Variants in YIPF1 observed in about 807,000 individuals in gnomAD.
YIPF1 encodes the protein Yip1 domain family member 1.
A neutral mutation model predicts 37.0 loss-of-function variants in YIPF1; 22 were observed. The observed-to-expected ratio is 0.59, with a 90% CI of 0.42 to 0.85. The LOEUF is 0.85. Ranked by LOEUF, YIPF1 falls within the 40% of genes least tolerant of loss-of-function variation. The pLI, the probability that YIPF1 is intolerant of heterozygous loss-of-function variation, is 0.00. For synonymous variants in YIPF1, 128 were observed against 131.9 expected, an observed-to-expected ratio of 0.97 and a Z score of 0.21; for missense variants, 355 against 373.1, an observed-to-expected ratio of 0.95 and a Z score of 0.40.
intron 7 of YIPF1, among the ~76,000 whole-genome samples, chr1:53,871,012 CAA>C (rs57949076): frequency 0.013 from 876 of 65,222 alleles, 3 homozygotes; most frequent in African/African-American, 0.044. Context: ...GTCACTGTCT[CAA>C]AAAAAAAAAA....
At chr1:53,871,991 T>G (rs948123216) in intron 6 of YIPF1, among the ~76,000 whole-genome samples, 2 of 147,800 alleles carry the variant, frequency 1.4e-5, no homozygotes, top group Non-Finnish European at 3.0e-5. Flanking sequence ...TTCACCACGG[T>G]TGTGTTGAGT....
intron 10 of YIPF1, among the ~76,000 whole-genome samples, chr1:53,855,886 G>C (rs1055895790): frequency 2.6e-5 from 4 of 152,166 alleles, no homozygotes; most frequent in Non-Finnish European, 5.9e-5. Flanking sequence ...GTTCTCCCTG[G>C]AATGTGTTCT....
At chr1:53,873,372 T>C (rs987736132) in intron 6 of YIPF1, among the ~76,000 whole-genome samples, 2 of 152,088 alleles carry the variant, frequency 1.3e-5, no homozygotes, top group Non-Finnish European at 2.9e-5. Flanking sequence ...GAAGAGGGAA[T>C]AGCAGGAGCA....
At chr1:53,861,796 T>G (rs1199865132) in intron 9 of YIPF1, among the ~76,000 whole-genome samples, 2 of 151,986 alleles carry the variant, frequency 1.3e-5, no homozygotes, top group African/African-American at 2.4e-5. Flanking sequence ...GGTGGATCAT[T>G]TGAGGCCAGG....
At chr1:53,866,098 C>A (rs1650014073) in intron 9 of YIPF1, 102 bp downstream of exon 9, 3 of 1,436,390 alleles carry the variant, frequency 2.1e-6, no homozygotes, top group Admixed American at 4.3e-5. Context: ...ACATGCCCAG[C>A]CCATGGACTC....
chr1:53,881,246 A>AG, intron 4 of YIPF1, among the ~76,000 whole-genome samples: 1 of 118,096 alleles, frequency 8.5e-6, no homozygotes, highest in South Asian at 2.7e-4. Context: ...CTCCATCTCA[A>AG]AAAAAAAAAA....
intron 3 of YIPF1, among the ~76,000 whole-genome samples, chr1:53,887,299 C>G (rs1336899200): frequency 1.3e-5 from 2 of 151,856 alleles, no homozygotes; most frequent in Non-Finnish European, 2.9e-5. Context: ...AGACTGGTCT[C>G]GAACTCCTGA....
At chr1:53,872,754 C>T (rs866519240) in intron 6 of YIPF1, among the ~76,000 whole-genome samples, 3 of 152,016 alleles carry the variant, frequency 2.0e-5, no homozygotes, top group African/African-American at 4.8e-5. Context: ...AGCACTGGCC[C>T]CTGAAGGTGG....
intron 9 of YIPF1, 98 bp downstream of exon 9, chr1:53,866,102 T>C (rs1164964232): frequency 8.9e-6 from 13 of 1,459,292 alleles, no homozygotes; most frequent in African/African-American, 5.7e-5. Context: ...GCCCAGCCCA[T>C]GGACTCAATT....
intron 4 of YIPF1, among the ~76,000 whole-genome samples, chr1:53,882,423 G>A (rs1650524977): frequency 6.6e-6 from 1 of 151,958 alleles, no homozygotes; most frequent in African/African-American, 2.4e-5. Flanking sequence ...CATTCCTGGA[G>A]GTACTCAAGC....
rs897118676 is a variant in YIPF1, at chr1:53,889,732, C to G, written c.-289G>C. 2.0e-5 allele frequency: 3 copies of G among 152,394 alleles called. No homozygotes were observed. Among genetic ancestry groups the G allele is most frequent in the Admixed American group, 6.5e-5 (1 of 15,314 alleles). 9.4% of individuals were successfully genotyped at this position (152,394 alleles called of 1,614,324 possible). A position where few individuals can be genotyped will look rare whatever the true frequency, so the allele number is the denominator to read the frequency against. On this transcript the variant is annotated 5_prime_UTR_variant, in exon 1 of 11. Coordinates refer to ENST00000072644, the MANE Select transcript of YIPF1 (RefSeq NM_018982.5). ...CCTCACCTCGCGGGGTTAGGCGTCC[C>G]CCGGGTCCCGAGAAGGCTCGGGCCT...
At chr1:53,871,012 C>CAAAAAAAAAAAAAAAAAAA in intron 7 of YIPF1, among the ~76,000 whole-genome samples, 1 of 65,268 alleles carries the variant, frequency 1.5e-5, no homozygotes, top group Non-Finnish European at 2.9e-5. Context: ...GTCACTGTCT[C>CAAAAAAAAAAAAAAAAAAA]AAAAAAAAAA....
chr1:53,863,361 G>T (rs1395796228), intron 9 of YIPF1, among the ~76,000 whole-genome samples: 1 of 152,194 alleles, frequency 6.6e-6, no homozygotes, highest in Non-Finnish European at 1.5e-5. Flanking sequence ...TGGGTACTAT[G>T]GAGGAATAAG....
rs1186481750 is a variant in YIPF1, at chr1:53,866,391, A to T, written c.649-9T>A. 1 of 1,612,334 alleles carries T rather than the reference A, an allele frequency of 6.2e-7. No individual in the cohort carries two copies. The highest frequency in any genetic ancestry group is 1.3e-5 in the African/African-American group (1 of 74,884). On this transcript the variant is annotated splice_polypyrimidine_tract_variant and intron_variant, in intron 8 of 10. Coordinates refer to ENST00000072644, the MANE Select transcript of YIPF1 (RefSeq NM_018982.5). ...GGGATAATCCACAGTATCTGAAAGA[A>T]GAGAAAAGGAGGAGCGGGGAGTTCT...
intron 9 of YIPF1, among the ~76,000 whole-genome samples, chr1:53,864,919 C>G (rs534781662): frequency 6.6e-6 from 1 of 152,200 alleles, no homozygotes; most frequent in South Asian, 2.1e-4. Flanking sequence ...AGGAAATATA[C>G]CCATGTCACA....
At chr1:53,860,025 C>A (rs761881714) in intron 10 of YIPF1, 31 bp downstream of exon 10, 19 of 1,608,708 alleles carry the variant, frequency 1.2e-5, no homozygotes, top group Non-Finnish European at 1.6e-5. Context: ...TTTATGGCAC[C>A]ACACAGCAAA....
In YIPF1 at chr1:53,881,244, C is replaced by CAAA. The variant is rs747288925; in HGVS notation, c.195+1866_195+1868dup. 8.8e-3 allele frequency among the ~76,000 whole-genome samples: 851 copies of CAAA among 96,196 alleles called. 17 individuals carry two copies. Among genetic ancestry groups the CAAA allele is most frequent in the African/African-American group, 0.031 (782 of 25,250 alleles). 63.1% of individuals were successfully genotyped at this position (96,196 alleles called of 152,430 possible). A position where few individuals can be genotyped will look rare whatever the true frequency, so the allele number is the denominator to read the frequency against. On this transcript the variant is annotated intron_variant, in intron 4 of 10. Transcript: ENST00000072644. The stretch of plus-strand genomic sequence containing the variant: ...TAGGCGACAAAGCAAGACTCCATCT[C>CAAA]AAAAAAAAAAAAAAAAAGAAAAAGA...
chr1:53,878,538 A>G, intron 5 of YIPF1, 104 bp downstream of exon 5: 4 of 1,473,134 alleles, frequency 2.7e-6, no homozygotes, highest in Non-Finnish European at 3.7e-6. Context: ...CTTTTGTAAG[A>G]CCATTTTCAG....
intron 9 of YIPF1, among the ~76,000 whole-genome samples, chr1:53,861,785 A>G (rs1410806949): frequency 2.0e-5 from 3 of 152,068 alleles, no homozygotes; most frequent in Middle Eastern, 3.2e-3. Flanking sequence ...AGGCCAAGGC[A>G]GGTGGATCAT....
Sources: gnomAD v4.1 joint callset for allele counts (sites outside exome capture counted in the v4.1 genomes callset) on GRCh38, gnomAD v4.1.1 for gene constraint, MANE v1.5 for transcripts, NCBI Gene and HGNC (gene_info 2026-07-23, HGNC 2026-07-21) for gene names.